Variants in OPCML observed in about 807,000 individuals in gnomAD.
OPCML encodes the protein opioid-binding protein/cell adhesion molecule.
In OPCML, 13 loss-of-function variants were observed where a neutral mutation model predicts 37.8. The observed-to-expected ratio is 0.34, with a 90% CI of 0.22 to 0.55. OPCML has a LOEUF of 0.55. OPCML is among the 20% of genes least tolerant of loss of function. The pLI is 0.91. For synonymous variants in OPCML, 176 were observed against 168.8 expected (o/e 1.04, Z -0.33); for missense variants, 341 against 435.6 (o/e 0.78, Z 1.93).
intron 1 of OPCML, among the ~76,000 whole-genome samples, chr11:133,528,425 C>T (rs759108800): frequency 9.2e-5 from 14 of 152,192 alleles, no homozygotes; most frequent in African/African-American, 2.4e-4. Flanking sequence ...GAGTCTGGCG[C>T]GTGGATTCCC....
At chr11:133,464,883 G>T (rs1470434489) in intron 1 of OPCML, among the ~76,000 whole-genome samples, 3 of 152,118 alleles carry the variant, frequency 2.0e-5, no homozygotes, top group African/African-American at 7.2e-5. Context: ...GGTAAGGCAG[G>T]CCTTGATCTC....
chr11:133,095,160 A>C (rs539844225), intron 1 of OPCML, among the ~76,000 whole-genome samples: 4 of 152,070 alleles, frequency 2.6e-5, no homozygotes, highest in African/African-American at 9.6e-5. Flanking sequence ...TCATTGGATC[A>C]ACATACAATA....
intron 2 of OPCML, among the ~76,000 whole-genome samples, chr11:132,920,596 G>A (rs921215386): frequency 2.0e-5 from 3 of 152,126 alleles, no homozygotes; most frequent in African/African-American, 7.2e-5. Context: ...CAGGACAGCC[G>A]CGGCCCCTGG....
chr11:132,421,304 C>G (rs999212184), intron 7 of OPCML, among the ~76,000 whole-genome samples: 11 of 152,126 alleles, frequency 7.2e-5, no homozygotes, highest in Non-Finnish European at 7.3e-5. Context: ...CGAGGCATTT[C>G]TATAAAACTA....
At chr11:132,497,155 C>T (rs2096233857) in intron 4 of OPCML, among the ~76,000 whole-genome samples, 2 of 152,118 alleles carry the variant, frequency 1.3e-5, no homozygotes, top group Non-Finnish European at 2.9e-5. Flanking sequence ...AAACCAAACA[C>T]CACATGTTCT....
chr11:133,474,926 G>A (rs1037581048), intron 1 of OPCML, among the ~76,000 whole-genome samples: 1 of 152,120 alleles, frequency 6.6e-6, no homozygotes, highest in Non-Finnish European at 1.5e-5. Context: ...TACCAGTGAC[G>A]TGCACACATA....
intron 1 of OPCML, among the ~76,000 whole-genome samples, chr11:133,521,405 T>G (rs910245978): frequency 1.3e-5 from 2 of 152,040 alleles, no homozygotes; most frequent in African/African-American, 4.8e-5. Flanking sequence ...ATAAGTAATT[T>G]CAGTGAAAGA....
intron 3 of OPCML, among the ~76,000 whole-genome samples, chr11:132,597,137 A>C (rs2096493645): frequency 6.6e-6 from 1 of 152,214 alleles, no homozygotes; most frequent in South Asian, 2.1e-4. Flanking sequence ...AAGAGAAAGA[A>C]CCAACATGCC....
intron 2 of OPCML, among the ~76,000 whole-genome samples, chr11:132,787,423 T>A (rs1947252452): frequency 2.0e-5 from 3 of 152,218 alleles, no homozygotes; most frequent in Non-Finnish European, 4.4e-5. Context: ...TTATGAATAT[T>A]TTCTACAAGT....
chr11:132,501,901 T>C (rs2096246461), intron 4 of OPCML, among the ~76,000 whole-genome samples: 2 of 152,148 alleles, frequency 1.3e-5, no homozygotes, highest in African/African-American at 4.8e-5. Flanking sequence ...GTTATACAAA[T>C]GCTTTCAGAT....
intron 2 of OPCML, among the ~76,000 whole-genome samples, chr11:132,922,863 A>T (rs1944853786): frequency 6.6e-6 from 1 of 151,902 alleles, no homozygotes; most frequent in Non-Finnish European, 1.5e-5. Context: ...TCTTGAGCTC[A>T]GTTTGAGACC....
chr11:133,334,624 C>T (rs1333152422), intron 1 of OPCML, among the ~76,000 whole-genome samples: 1 of 152,210 alleles, frequency 6.6e-6, no homozygotes, highest in Non-Finnish European at 1.5e-5. Context: ...CAAACCTTCA[C>T]ATGGACTTCC....
intron 1 of OPCML, among the ~76,000 whole-genome samples, chr11:133,357,955 C>A (rs1184184240): frequency 6.6e-6 from 1 of 152,142 alleles, no homozygotes; most frequent in Non-Finnish European, 1.5e-5. Flanking sequence ...TCATCTGCAC[C>A]CATGACTTCC....
intron 1 of OPCML, among the ~76,000 whole-genome samples, chr11:133,424,170 C>G (rs1945953200): frequency 6.6e-6 from 1 of 152,118 alleles, no homozygotes; most frequent in African/African-American, 2.4e-5. Flanking sequence ...ATTCATTGTT[C>G]AAAACCAGAG....
At chr11:133,469,034 G>A (rs1336136899) in intron 1 of OPCML, among the ~76,000 whole-genome samples, 1 of 152,168 alleles carries the variant, frequency 6.6e-6, no homozygotes, top group Non-Finnish European at 1.5e-5. Flanking sequence ...CTGCCCTGAG[G>A]AGCTGGGGTT....
intron 7 of OPCML, among the ~76,000 whole-genome samples, chr11:132,424,227 C>A (rs886487688): frequency 6.6e-6 from 1 of 151,774 alleles, no homozygotes; most frequent in Non-Finnish European, 1.5e-5. Context: ...TCACGCCGTT[C>A]TCCTGCCTCA....
chr11:132,879,746 G>A (rs887854614), intron 2 of OPCML, among the ~76,000 whole-genome samples: 8 of 152,064 alleles, frequency 5.3e-5, no homozygotes, highest in African/African-American at 1.2e-4. Context: ...CTAGTTCAGC[G>A]TTAATAAATA....
At chr11:133,167,904 C>A (rs2137234093) in intron 1 of OPCML, among the ~76,000 whole-genome samples, 1 of 152,310 alleles carries the variant, frequency 6.6e-6, no homozygotes, top group African/African-American at 2.4e-5. Context: ...ATCTATCTTT[C>A]AGTTCACTCA....
At chr11:132,923,708 A>C (rs2136597260) in intron 2 of OPCML, among the ~76,000 whole-genome samples, 1 of 147,804 alleles carries the variant, frequency 6.8e-6, no homozygotes, top group Admixed American at 6.7e-5. Context: ...CCTCTGTCAA[A>C]CAGACATTAT....
Sources: gnomAD v4.1 joint callset for allele counts (sites outside exome capture counted in the v4.1 genomes callset) on GRCh38, gnomAD v4.1.1 for gene constraint, MANE v1.5 for transcripts, NCBI Gene and HGNC (gene_info 2026-07-23, HGNC 2026-07-21) for gene names.